Variants in RNF19B observed in about 807,000 individuals in gnomAD.
The protein encoded by RNF19B is ring finger protein 19B, also known as E3 ubiquitin-protein ligase RNF19B.
RNF19B carries 23 observed loss-of-function variants against 65.5 expected under a neutral mutation model. The observed-to-expected ratio is 0.35, with a 90% CI of 0.25 to 0.50. The LOEUF is 0.50. Among genes scored for constraint, RNF19B ranks in the 20% least tolerant of loss-of-function variants. The pLI is 0.98. For missense variants in RNF19B, 794 were observed against 980.0 expected (o/e 0.81, Z 2.53); for synonymous variants, 372 against 379.6 (o/e 0.98, Z 0.23).
At position 32,937,441 on chromosome 1, in the gene RNF19B, G is replaced by A. The variant is rs867255376; in HGVS notation, c.1743-182C>T. The A allele has an allele frequency of 3.5e-5, 34 of 973,596 alleles. No homozygotes were observed. In the Middle Eastern group the frequency reaches 2.8e-3, roughly 80 times the overall value. The allele number at this position is 973,596 out of a possible 1,614,324, so 60.3% of individuals were successfully genotyped here. On this transcript the variant is annotated intron_variant, in intron 8 of 8. Coordinates refer to ENST00000235150, the MANE Select transcript of RNF19B (RefSeq NM_001300826.2). The stretch of plus-strand genomic sequence containing the variant: ...TCAAATGAGATGGAGGCTGGACGTG[G>A]TGGCTCATGCCTATAACCCCAGCGC...
chr1:32,938,140 C>CAAAAAAAAAAAAAAAAA (rs80176999), intron 8 of RNF19B, among the ~76,000 whole-genome samples: 438 of 44,598 alleles, frequency 9.8e-3, no homozygotes, highest in Middle Eastern at 0.017. Context: ...CCAAGAAAGA[C>CAAAAAAAAAAAAAAAAA]AAAAAAAAAA....
chr1:32,933,277 C>T (rs59128087), downstream of RNF19B, among the ~76,000 whole-genome samples: 61 of 150,496 alleles, frequency 4.1e-4, 1 homozygote, highest in East Asian at 8.6e-3. Flanking sequence ...TTTTGTGAGA[C>T]GGAGTCTCGC....
intron 1 of RNF19B, 135 bp downstream of exon 1, chr1:32,963,916 T>C: frequency 7.5e-7 from 1 of 1,328,530 alleles, no homozygotes; most frequent in Non-Finnish European, 9.6e-7. Flanking sequence ...TGGGCTTGCC[T>C]GATGGTTACC....
chr1:32,956,347 A>T (rs1267056300), intron 1 of RNF19B, among the ~76,000 whole-genome samples: 23 of 152,228 alleles, frequency 1.5e-4, no homozygotes, highest in Admixed American at 1.5e-3. Context: ...ACTGCACTCC[A>T]GCCTGGGTGA....
intron 7 of RNF19B, among the ~76,000 whole-genome samples, chr1:32,939,870 T>A (rs993189884): frequency 2.6e-5 from 4 of 152,234 alleles, no homozygotes; most frequent in African/African-American, 9.6e-5. Flanking sequence ...TCTCCAATTA[T>A]GTCTGTCTGC....
intron 1 of RNF19B, among the ~76,000 whole-genome samples, chr1:32,959,261 A>C (rs1428385085): frequency 6.6e-6 from 1 of 152,240 alleles, no homozygotes; most frequent in Admixed American, 6.5e-5. Flanking sequence ...ACCTGCACAA[A>C]GAATTTAGGT....
In RNF19B at chr1:32,964,275, A is replaced by C; in HGVS notation, c.411T>G (p.Cys137Trp). The C allele has an allele frequency of 6.5e-7, 1 of 1,534,794 alleles. No homozygotes were observed. Among genetic ancestry groups the C allele is most frequent in the Non-Finnish European group, 8.8e-7 (1 of 1,142,734 alleles). Residue 137 changes from cysteine (C) to tryptophan (W), a missense_variant, in exon 1 of 9, where the codon TGT becomes TGG. Cys to Trp is a radical substitution (Grantham distance 215, BLOSUM62 -2). Around this residue, in one of 3 missense-constraint regions of RNF19B, gnomAD observed 374 missense variants for 423.8 expected, o/e 0.88. Transcript: ENST00000235150. This position sits in a 1 kb window ranked among gnomAD's most constrained non-coding sequence, Gnocchi z 6.5. ...PPERAPRLLSCPHRSCRDCLR... is the reference protein window; with the variant it reads ...PPERAPRLLSWPHRSCRDCLR... ...GGCAGTCCCGGCACGAGCGGTGCGGACAGCTGAGGAGGCGCGGGGCCCGCT... is the reference window on the plus strand; with the variant it reads ...GGCAGTCCCGGCACGAGCGGTGCGGCCAGCTGAGGAGGCGCGGGGCCCGCT...
At chr1:32,954,302 T>C (rs1218991607) in intron 1 of RNF19B, among the ~76,000 whole-genome samples, 2 of 151,372 alleles carry the variant, frequency 1.3e-5, no homozygotes, top group Non-Finnish European at 2.9e-5. Flanking sequence ...GGAAGTAAAA[T>C]AACCCCAAAT....
chr1:32,958,301 T>C (rs1375737642), intron 1 of RNF19B, among the ~76,000 whole-genome samples: 2 of 152,274 alleles, frequency 1.3e-5, no homozygotes, highest in African/African-American at 2.4e-5. Flanking sequence ...ACTTGTTTTA[T>C]TTTGTTTAAC....
chr1:32,936,981 T>A lies in RNF19B; in HGVS notation c.2021A>T (p.Asp674Val), dbSNP rs144995081. The A allele has an allele frequency of 1.2e-6, 2 of 1,614,014 alleles. No individual in the cohort carries two copies. The highest frequency in any genetic ancestry group is 2.7e-5 in the African/African-American group (2 of 74,912). The change falls in exon 9 of 9, where the codon GAC (aspartate) becomes GTC (valine). Residue 674 changes from aspartate (D) to valine (V), a missense_variant. Coordinates refer to ENST00000235150, the MANE Select transcript of RNF19B (RefSeq NM_001300826.2). ...ATCTGAGGTGATGTCTGGCACATCG[T>A]CTGACTGTGCATCAGAACTCTCTAG... Reference protein sequence around the residue: ...SDLESSDAQSDDVPDITSDEC... With the variant: ...SDLESSDAQSVDVPDITSDEC...
At chr1:32,953,896 C>G (rs934657931) in intron 1 of RNF19B, among the ~76,000 whole-genome samples, 4 of 149,498 alleles carry the variant, frequency 2.7e-5, no homozygotes, top group Admixed American at 1.4e-4. Context: ...CCCCAGCCCC[C>G]ACTTCTTTTT....
rs1642414952 is a variant in RNF19B, at chr1:32,948,343, G to A, written c.862C>T (p.Arg288Ter). 1.2e-6 allele frequency: 2 copies of A among 1,613,538 alleles called. No individual in the cohort carries two copies. The highest frequency in any genetic ancestry group is 1.3e-5 in the African/African-American group (1 of 75,006). ...ATCTTGATAATGTATGCACTGCATC[G>A]TGGGCATGGCTTGATGTCATCTGCT... ...SGPDDIKPCP[R>*]CSAYIIKMND... Residue 288 changes from arginine (R) to a stop codon, truncating the protein, a stop_gained, in exon 3 of 9, where the codon CGA (arginine) becomes TGA (stop). Transcript: ENST00000235150. LOFTEE classifies it high-confidence loss of function.
chr1:32,944,020 T>G lies in RNF19B; in HGVS notation c.1401A>C (p.Thr467=), dbSNP rs1372142174. ...IEFDEDDGPI[T]VADAWRALKN... ...GGAAATAAACATCCTGCTTTTTACC[T>G]GTGATTGGACCATCATCTTCATCAA... is the stretch of plus-strand genomic sequence containing the variant. The change falls in exon 6 of 9, where the codon ACA becomes ACC. Residue 467 remains threonine, a splice_region_variant and synonymous_variant. Coordinates refer to ENST00000235150, the MANE Select transcript of RNF19B (RefSeq NM_001300826.2). 6.2e-7 allele frequency: 1 copy of G among 1,601,620 alleles called. No homozygotes were observed. Among genetic ancestry groups the G allele is most frequent in the East Asian group, 2.2e-5 (1 of 44,588 alleles).
chr1:32,951,958 CTTTT>C (rs34442939), intron 1 of RNF19B, among the ~76,000 whole-genome samples: 1 of 123,168 alleles, frequency 8.1e-6, no homozygotes, highest in East Asian at 2.4e-4. Flanking sequence ...CCACGCCCGG[CTTTT>C]TTTTTTTTTT....
At chr1:32,940,371 A>C (rs194641) in intron 7 of RNF19B, among the ~76,000 whole-genome samples, 27,984 of 151,996 alleles carry the variant, frequency 0.18, 3,140 homozygotes, top group East Asian at 0.25. Flanking sequence ...CTCCCAAGTG[A>C]TTGACAGGCA....
At chr1:32,951,851 G>A (rs992687316) in intron 1 of RNF19B, among the ~76,000 whole-genome samples, 8 of 150,770 alleles carry the variant, frequency 5.3e-5, no homozygotes, top group Admixed American at 2.0e-4. Flanking sequence ...AGGATGGAGC[G>A]CAGTGGCGTG....
chr1:32,933,020 A>G (rs1166325124), downstream of RNF19B, among the ~76,000 whole-genome samples: 1 of 152,208 alleles, frequency 6.6e-6, no homozygotes, highest in Non-Finnish European at 1.5e-5. Flanking sequence ...GGTCATGTCA[A>G]GTAGCACTAT....
Position 32,937,437 on chromosome 1 carries a change from C to A in RNF19B, c.1743-178G>T, listed in dbSNP as rs1047904195. 5.0e-6 allele frequency: 5 copies of A among 996,498 alleles called. No individual in the cohort carries two copies. In the African/African-American group the frequency reaches 6.4e-5, roughly 13 times the overall value. The allele number at this position is 996,498 out of a possible 1,614,324, so 61.7% of individuals were successfully genotyped here. ...ACACTCAAATGAGATGGAGGCTGGA[C>A]GTGGTGGCTCATGCCTATAACCCCA... On this transcript the variant is annotated intron_variant, in intron 8 of 8. Coordinates refer to ENST00000235150, the MANE Select transcript of RNF19B (RefSeq NM_001300826.2).
Position 32,964,660 on chromosome 1 carries a change from G to C in RNF19B, c.26C>G (p.Ser9Trp). The change falls in exon 1 of 9, where the codon TCG becomes TGG. Residue 9 changes from serine (S) to tryptophan (W), a missense_variant. By Grantham distance (177) the Ser-to-Trp change is radical. Transcript: ENST00000235150. The surrounding 1 kb of genome is among the most constrained non-coding windows in gnomAD (Gnocchi z 6.5). ...CGCATGTAGCGATGTGGAGCGCGGC[G>C]ACTCGGAGTCCTTCTCGGAGCCCAT... is the stretch of plus-strand genomic sequence containing the variant. MGSEKDSE[S>W]PRSTSLHAAA... 1 of 1,473,400 alleles carries C rather than the reference G, an allele frequency of 6.8e-7. No individual in the cohort carries two copies. The highest frequency in any genetic ancestry group is 9.0e-7 in the Non-Finnish European group (1 of 1,116,454). 91.3% of individuals were successfully genotyped at this position (1,473,400 alleles called of 1,614,324 possible).
Sources: allele counts gnomAD v4.1 joint callset (sites outside exome capture counted in the v4.1 genomes callset), GRCh38; gene constraint gnomAD v4.1.1; regional missense constraint gnomAD v4.1.1; non-coding constraint Gnocchi (gnomAD v3.1); transcripts MANE v1.5; gene names NCBI Gene and HGNC (gene_info 2026-07-23, HGNC 2026-07-21).